Variants in ARHGAP44 observed in about 807,000 individuals in gnomAD.
ARHGAP44 encodes Rho GTPase activating protein 44, also known as rho GTPase-activating protein 44.
ARHGAP44 carries 43 observed loss-of-function variants against 106.8 expected under a neutral mutation model. That is an observed-to-expected ratio of 0.40 (90% CI 0.32 to 0.52). ARHGAP44 has a LOEUF of 0.52. Among genes scored for constraint, ARHGAP44 ranks in the 20% least tolerant of loss-of-function variants. ARHGAP44 has a pLI of 0.48. For missense variants in ARHGAP44, 866 were observed against 1,050.5 expected (o/e 0.82, Z 2.43); for synonymous variants, 439 against 410.3 (o/e 1.07, Z -0.85).
At chr17:12,883,318 G>A (rs1369276347) in intron 1 of ARHGAP44, among the ~76,000 whole-genome samples, 1 of 150,460 alleles carries the variant, frequency 6.6e-6, no homozygotes, top group African/African-American at 2.4e-5. Context: ...GTAGAGGCTT[G>A]CCATTTTGTT....
At chr17:12,854,365 T>C (rs2035844930) in intron 1 of ARHGAP44, among the ~76,000 whole-genome samples, 1 of 152,106 alleles carries the variant, frequency 6.6e-6, no homozygotes, top group Non-Finnish European at 1.5e-5. Context: ...TAGAATGATA[T>C]CATATAGAGA....
chr17:12,908,871 C>T (rs988100769), intron 3 of ARHGAP44, 26 bp from the exon 4 acceptor site: 3 of 1,588,210 alleles, frequency 1.9e-6, no homozygotes, highest in Non-Finnish European at 2.6e-6. Context: ...AAGTAGCTTT[C>T]ATTACAGCAT....
chr17:12,984,178 C>T (rs778063057), intron 19 of ARHGAP44, among the ~76,000 whole-genome samples: 20 of 152,164 alleles, frequency 1.3e-4, no homozygotes, highest in African/African-American at 4.3e-4. Context: ...AGAGTAGCAG[C>T]GATGCCTCTC....
chr17:12,941,236 T>G (rs2038701105), intron 8 of ARHGAP44, 112 bp downstream of exon 8: 1 of 951,228 alleles, frequency 1.1e-6, no homozygotes, highest in Non-Finnish European at 1.6e-6. Flanking sequence ...GGTGGGAGCT[T>G]TGACCATTTT....
intron 1 of ARHGAP44, among the ~76,000 whole-genome samples, chr17:12,853,420 G>A (rs915527357): frequency 2.6e-5 from 4 of 152,118 alleles, no homozygotes; most frequent in Non-Finnish European, 5.9e-5. Flanking sequence ...AGAAGGAGGT[G>A]GGGACAAAAC....
intron 1 of ARHGAP44, among the ~76,000 whole-genome samples, chr17:12,843,272 C>A (rs937545977): frequency 1.3e-5 from 2 of 152,174 alleles, no homozygotes; most frequent in Non-Finnish European, 2.9e-5. Context: ...CCCACCTCCC[C>A]ATCTCAGGAA....
chr17:12,928,820 G>T (rs1275028572), intron 6 of ARHGAP44, 109 bp from the exon 7 acceptor site: 12 of 921,814 alleles, frequency 1.3e-5, no homozygotes, highest in African/African-American at 6.7e-5. Flanking sequence ...TCCAGTGAGG[G>T]TATGTAGTTC....
intron 1 of ARHGAP44, among the ~76,000 whole-genome samples, chr17:12,880,437 A>G (rs1482922988): frequency 6.6e-6 from 1 of 151,984 alleles, no homozygotes; most frequent in Non-Finnish European, 1.5e-5. Flanking sequence ...ATCCTTTCCC[A>G]ATAAGGTGTT....
Position 12,789,702 on chromosome 17 carries a change from C to A in ARHGAP44, c.-137C>A. The A allele has an allele frequency of 1.4e-6, 1 of 690,258 alleles. No individual in the cohort carries two copies. The highest frequency in any genetic ancestry group is 4.7e-5 in the South Asian group (1 of 21,104). The allele number at this position is 690,258 out of a possible 1,614,324, so 42.8% of individuals were successfully genotyped here. ...CCTCGGGAGGGAGCTGCGCGCGGGC[C>A]AGACGGCGCCCGGAGGCTCCGCAGT... On this transcript the variant is annotated 5_prime_UTR_variant, in exon 1 of 21. Transcript: ENST00000379672.
chr17:12,843,717 G>A (rs60833194), intron 1 of ARHGAP44, among the ~76,000 whole-genome samples: 7,594 of 144,636 alleles, frequency 0.053, 283 homozygotes, highest in African/African-American at 0.11. Context: ...GTGCAATGGC[G>A]TGATCTCTGC....
At chr17:12,872,263 T>A (rs893771902) in intron 1 of ARHGAP44, among the ~76,000 whole-genome samples, 2 of 152,186 alleles carry the variant, frequency 1.3e-5, no homozygotes, top group African/African-American at 4.8e-5. Context: ...ACTAATTCCA[T>A]CTGTTATTTT....
chr17:12,914,486 A>C (rs375665695), intron 4 of ARHGAP44, among the ~76,000 whole-genome samples: 1 of 152,218 alleles, frequency 6.6e-6, no homozygotes, highest in East Asian at 1.9e-4. Flanking sequence ...CGCATGTACC[A>C]ACATGGGTAA....
chr17:12,918,445 A>G (rs1195099859), intron 5 of ARHGAP44, among the ~76,000 whole-genome samples: 4 of 152,076 alleles, frequency 2.6e-5, no homozygotes, highest in Non-Finnish European at 5.9e-5. Flanking sequence ...ATCCTGCCCT[A>G]CTTTTGCTGG....
Position 12,847,934 on chromosome 17 carries a change from A to G in ARHGAP44, c.54-47006A>G, listed in dbSNP as rs141333126. On this transcript the variant is annotated intron_variant, in intron 1 of 20. Transcript: ENST00000379672. ...CTATTGCTTGTGTTAATGCTGTCCT[A>G]ACAGTATTGTATAGGCTTGCCCCAA... Among the ~76,000 whole-genome samples, 1,250 of 152,282 alleles carry G rather than the reference A, an allele frequency of 8.2e-3. 25 individuals carry two copies. Among genetic ancestry groups the G allele is most frequent in the African/African-American group, 0.029 (1,207 of 41,568 alleles).
chr17:12,893,835 G>T (rs1052763163), intron 1 of ARHGAP44, among the ~76,000 whole-genome samples: 1 of 152,134 alleles, frequency 6.6e-6, no homozygotes, highest in Admixed American at 6.5e-5. Flanking sequence ...TGAGCCTCTT[G>T]GTGTTTTAGG....
At chr17:12,970,380 A>AAG (rs2039497984) in intron 16 of ARHGAP44, among the ~76,000 whole-genome samples, 1 of 148,752 alleles carries the variant, frequency 6.7e-6, no homozygotes, top group African/African-American at 2.5e-5. Context: ...AAAAAAAAAA[A>AAG]AAAAAAAAGA....
intron 4 of ARHGAP44, among the ~76,000 whole-genome samples, chr17:12,911,368 A>C (rs903524347): frequency 6.6e-6 from 1 of 152,204 alleles, no homozygotes; most frequent in Non-Finnish European, 1.5e-5. Flanking sequence ...AATGGCAGGA[A>C]AAAGCAGACA....
chr17:12,867,186 C>T (rs1452952502), intron 1 of ARHGAP44, among the ~76,000 whole-genome samples: 1 of 151,552 alleles, frequency 6.6e-6, no homozygotes, highest in Non-Finnish European at 1.5e-5. Flanking sequence ...AAGGAACCAA[C>T]TGACAGTTCC....
chr17:12,799,450 A>G (rs941075041), intron 1 of ARHGAP44, among the ~76,000 whole-genome samples: 1 of 152,212 alleles, frequency 6.6e-6, no homozygotes, highest in Non-Finnish European at 1.5e-5. Flanking sequence ...GTTTTCAGTC[A>G]GTGCTAAAGG....
Sources: allele counts gnomAD v4.1 joint callset (sites outside exome capture counted in the v4.1 genomes callset), GRCh38; gene constraint gnomAD v4.1.1; transcripts MANE v1.5; gene names NCBI Gene and HGNC (gene_info 2026-07-23, HGNC 2026-07-21).